The following PRKN variants were observed in gnomAD, a reference collection of about 807,000 sequenced individuals.
PRKN encodes the protein parkin RBR E3 ubiquitin protein ligase.
PRKN carries 56 observed loss-of-function variants against 59.5 expected under a neutral mutation model. That is an observed-to-expected ratio of 0.94 (90% confidence interval 0.76 to 1.18). The LOEUF (loss-of-function observed/expected upper bound fraction) is 1.18. Among genes scored for constraint, PRKN ranks in the 50% most tolerant of loss-of-function variants. PRKN has a pLI of 0.00. For missense variants in PRKN, 657 were observed against 596.4 expected (o/e 1.10, Z -1.06); for synonymous variants, 250 against 222.1 (o/e 1.13, Z -1.12).
At chr6:162,673,201 T>A (rs1314709427) in intron 1 of PRKN, among the ~76,000 whole-genome samples, 1 of 152,210 alleles carries the variant, frequency 6.6e-6, no homozygotes, top group Non-Finnish European at 1.5e-5. Context: ...TGATAGTGCC[T>A]GCCCTGAAGC....
chr6:161,568,454 G>A (rs980266109), intron 8 of PRKN, among the ~76,000 whole-genome samples: 1 of 152,162 alleles, frequency 6.6e-6, no homozygotes, highest in Non-Finnish European at 1.5e-5. Context: ...TTAGCTGGGT[G>A]TGGTGGCGGG....
At chr6:162,112,867 G>A (rs1017750681) in intron 4 of PRKN, among the ~76,000 whole-genome samples, 5 of 151,962 alleles carry the variant, frequency 3.3e-5, no homozygotes, top group African/African-American at 1.2e-4. Context: ...AGGCGGCAGT[G>A]AGCCATGGTC....
intron 4 of PRKN, among the ~76,000 whole-genome samples, chr6:162,141,108 C>T (rs933550701): frequency 1.8e-4 from 27 of 151,132 alleles, no homozygotes; most frequent in South Asian, 2.1e-4. Context: ...CCAGCCTGGG[C>T]GACAGAGTGA....
intron 2 of PRKN, among the ~76,000 whole-genome samples, chr6:162,313,487 A>G (rs960249460): frequency 2.6e-5 from 4 of 151,382 alleles, no homozygotes; most frequent in African/African-American, 9.7e-5. Flanking sequence ...TACTGTATCA[A>G]TTTTTTTTTA....
At chr6:162,207,944 A>G (rs1373344908) in intron 3 of PRKN, among the ~76,000 whole-genome samples, 2 of 152,222 alleles carry the variant, frequency 1.3e-5, no homozygotes, top group East Asian at 3.9e-4. Context: ...AGCCATGATC[A>G]TTCAATATCT....
At chr6:162,350,754 G>A (rs1473389437) in intron 2 of PRKN, among the ~76,000 whole-genome samples, 2 of 151,730 alleles carry the variant, frequency 1.3e-5, no homozygotes, top group Admixed American at 6.6e-5. Flanking sequence ...TATGACCTTG[G>A]GTTAAGAAAA....
intron 4 of PRKN, among the ~76,000 whole-genome samples, chr6:162,154,472 G>T (rs1288135042): frequency 6.7e-6 from 1 of 149,462 alleles, no homozygotes; most frequent in African/African-American, 2.5e-5. Flanking sequence ...AATGTTAGTA[G>T]ATCAAGAAAA....
chr6:161,537,726 C>T (rs552318106), intron 9 of PRKN, among the ~76,000 whole-genome samples: 6 of 152,326 alleles, frequency 3.9e-5, no homozygotes, highest in Admixed American at 3.9e-4. Flanking sequence ...GCTGGGATTA[C>T]AGGCGTGAGC....
rs552473164 is a variant in PRKN, at chr6:161,423,408, G to A, written c.1084-36531C>T. Among the ~76,000 whole-genome samples the A allele has an allele frequency of 3.3e-5, 5 of 152,274 alleles. No homozygotes were observed. The highest frequency in any genetic ancestry group is 6.5e-5 in the Admixed American group (1 of 15,288). On this transcript the variant is annotated intron_variant, in intron 9 of 11. Transcript: ENST00000366898. This position sits in a 1 kb window ranked among gnomAD's most constrained non-coding sequence, Gnocchi z 5.9. ...GGTGAGTACTGCGATGCAGTTACAC[G>A]TCGTAACCACCTGAATTTTATGGGG...
At chr6:161,989,765 A>T (rs1781573342) in intron 5 of PRKN, among the ~76,000 whole-genome samples, 2 of 152,086 alleles carry the variant, frequency 1.3e-5, no homozygotes, top group Admixed American at 1.3e-4. Context: ...CAGGGCCCTG[A>T]CGATGGGCCT....
Position 161,488,463 on chromosome 6 carries a change from C to G in PRKN, c.1083+60391G>C, listed in dbSNP as rs1407220641. Among the ~76,000 whole-genome samples the G allele has an allele frequency of 1.3e-5, 2 of 152,126 alleles. No individual in the cohort carries two copies. The highest frequency in any genetic ancestry group is 4.8e-5 in the African/African-American group (2 of 41,432). On this transcript the variant is annotated intron_variant, in intron 9 of 11. Transcript: ENST00000366898. This position sits in a 1 kb window ranked among gnomAD's most constrained non-coding sequence, Gnocchi z 4.5. ...AGAGGAGCAGAGAAGATAACAGAGA[C>G]CGAGAAGGACATCTGAATTTATTAT...
intron 1 of PRKN, among the ~76,000 whole-genome samples, chr6:162,648,596 G>T (rs948509729): frequency 1.3e-5 from 2 of 152,032 alleles, no homozygotes; most frequent in African/African-American, 4.8e-5. Flanking sequence ...TGGCCAGGTT[G>T]GTCTCAAACT....
intron 2 of PRKN, among the ~76,000 whole-genome samples, chr6:162,436,911 G>C (rs2128165166): frequency 6.6e-6 from 1 of 151,900 alleles, no homozygotes; most frequent in Middle Eastern, 3.4e-3. Context: ...GGCCAACATG[G>C]TGAAACCCCG....
intron 9 of PRKN, among the ~76,000 whole-genome samples, chr6:161,485,273 T>C (rs1282239358): frequency 6.6e-6 from 1 of 152,218 alleles, no homozygotes; most frequent in East Asian, 1.9e-4. Flanking sequence ...TTCCTGGTTA[T>C]ACTAGTGTGT....
intron 1 of PRKN, among the ~76,000 whole-genome samples, chr6:162,600,169 C>G (rs1781645321): frequency 6.6e-6 from 1 of 152,144 alleles, no homozygotes; most frequent in Admixed American, 6.5e-5. Flanking sequence ...AGCAGTAACC[C>G]CTTTCCTGAC....
chr6:162,527,219 ACCG>A (rs1321475231), intron 1 of PRKN, among the ~76,000 whole-genome samples: 6 of 152,146 alleles, frequency 3.9e-5, no homozygotes, highest in Non-Finnish European at 8.8e-5. Context: ...CTGATCTGAA[ACCG>A]GGATAAAACA....
At chr6:162,231,335 T>C (rs1017909268) in intron 3 of PRKN, among the ~76,000 whole-genome samples, 11 of 152,206 alleles carry the variant, frequency 7.2e-5, no homozygotes, top group African/African-American at 9.6e-5. Flanking sequence ...GTGTTATAAA[T>C]AGTGTTTGTA....
chr6:161,766,205 G>A (rs1181220939), intron 7 of PRKN, among the ~76,000 whole-genome samples: 2 of 151,998 alleles, frequency 1.3e-5, no homozygotes, highest in African/African-American at 2.4e-5. Context: ...GCTATGACTT[G>A]AAGACTACAG....
chr6:161,605,761 C>T (rs1458574752), intron 7 of PRKN, among the ~76,000 whole-genome samples: 2 of 152,082 alleles, frequency 1.3e-5, no homozygotes, highest in African/African-American at 4.8e-5. Context: ...CTGCCTGCCT[C>T]GGCCTCCCGA....
Sources: gnomAD v4.1 joint callset for allele counts (sites outside exome capture counted in the v4.1 genomes callset) on GRCh38, gnomAD v4.1.1 for gene constraint, Gnocchi (gnomAD v3.1) non-coding constraint, MANE v1.5 for transcripts, NCBI Gene and HGNC (gene_info 2026-07-23, HGNC 2026-07-21) for gene names.